Variants in IL1RAPL1 observed in about 807,000 individuals in gnomAD.
IL1RAPL1 encodes the protein interleukin 1 receptor accessory protein like 1, also known as interleukin-1 receptor accessory protein-like 1.
A neutral mutation model predicts 48.4 loss-of-function variants in IL1RAPL1; 3 were observed. The ratio of observed to expected loss-of-function variants is 0.06; its 90% CI spans 0.03 to 0.16. IL1RAPL1 has a LOEUF of 0.16. Among genes scored for constraint, IL1RAPL1 ranks in the 10% least tolerant of loss-of-function variants. The pLI is 1.00. For synonymous variants in IL1RAPL1, 185 were observed against 187.7 expected (o/e 0.99, Z 0.12); for missense variants, 349 against 530.6 (o/e 0.66, Z 3.36).
At chrX:29,349,661 G>A (rs899974972) in intron 3 of IL1RAPL1, among the ~76,000 whole-genome samples, 3 of 111,177 alleles carry the variant, frequency 2.7e-5, no homozygotes, top group Non-Finnish European at 5.7e-5. Context: ...ATTCTGAGTT[G>A]TCTAAAGTTC....
intron 2 of IL1RAPL1, among the ~76,000 whole-genome samples, chrX:29,221,585 G>A (rs761860969): frequency 6.7e-5 from 7 of 104,062 alleles, no homozygotes; most frequent in Non-Finnish European, 9.8e-5. Flanking sequence ...ATATGTTACC[G>A]TCATTATGCC....
chrX:29,945,743 C>A, intron 9 of IL1RAPL1, among the ~76,000 whole-genome samples: 1 of 111,962 alleles, frequency 8.9e-6, no homozygotes, highest in Middle Eastern at 4.6e-3. Context: ...CACTCAGTTC[C>A]TTTGGAGTCA....
chrX:29,793,616 T>G (rs1210138095), intron 6 of IL1RAPL1, among the ~76,000 whole-genome samples: 1 of 112,221 alleles, frequency 8.9e-6, no homozygotes. Flanking sequence ...ATTATTACAC[T>G]TACTACATTT....
At chrX:29,796,449 A>C (rs1399518557) in intron 6 of IL1RAPL1, among the ~76,000 whole-genome samples, 4 of 111,649 alleles carry the variant, frequency 3.6e-5, no homozygotes, top group African/African-American at 1.3e-4. Context: ...CATCTCAATT[A>C]ATGTTTGCAA....
chrX:28,796,396 G>T (rs1038682949), intron 2 of IL1RAPL1, among the ~76,000 whole-genome samples: 1 of 111,512 alleles, frequency 9.0e-6, no homozygotes, highest in Non-Finnish European at 1.9e-5. Flanking sequence ...AAGTCCCTTC[G>T]GCCTATGAGC....
At chrX:29,638,971 G>T (rs1278661582) in intron 5 of IL1RAPL1, among the ~76,000 whole-genome samples, 1 of 111,420 alleles carries the variant, frequency 9.0e-6, no homozygotes, top group African/African-American at 3.3e-5. Flanking sequence ...TAGATCACAA[G>T]GTCAGGAGAT....
chrX:29,487,064 A>G (rs1301924138), intron 5 of IL1RAPL1, among the ~76,000 whole-genome samples: 2 of 110,700 alleles, frequency 1.8e-5, no homozygotes, highest in African/African-American at 3.3e-5. Flanking sequence ...GCTAAAACAT[A>G]CACAATAATT....
At chrX:28,825,602 T>C (rs770562421) in intron 2 of IL1RAPL1, among the ~76,000 whole-genome samples, 34 of 111,517 alleles carry the variant, frequency 3.0e-4, no homozygotes, top group African/African-American at 1.0e-3. Flanking sequence ...CTCAAGAGGA[T>C]AAATTATTAT....
At chrX:29,567,790 T>C (rs1922458211) in intron 5 of IL1RAPL1, among the ~76,000 whole-genome samples, 1 of 111,204 alleles carries the variant, frequency 9.0e-6, no homozygotes, top group Admixed American at 9.5e-5. Context: ...GGAATACAAA[T>C]GCTTCATTTG....
chrX:29,470,093 C>T (rs922321193), intron 5 of IL1RAPL1, among the ~76,000 whole-genome samples: 2 of 112,321 alleles, frequency 1.8e-5, no homozygotes, highest in African/African-American at 6.5e-5. Context: ...TGAAGAAGTA[C>T]AATTTCCCAA....
At chrX:29,903,662 T>C (rs1932547024) in intron 6 of IL1RAPL1, among the ~76,000 whole-genome samples, 1 of 112,074 alleles carries the variant, frequency 8.9e-6, no homozygotes, top group Non-Finnish European at 1.9e-5. Context: ...TGGAATCTAC[T>C]GGTTGAAGGG....
chrX:28,976,919 C>T (rs769770169), intron 2 of IL1RAPL1, among the ~76,000 whole-genome samples: 78 of 112,300 alleles, frequency 6.9e-4, no homozygotes, highest in African/African-American at 2.3e-3. Flanking sequence ...TGGAAGAATA[C>T]AACTCTGCTC....
intron 6 of IL1RAPL1, among the ~76,000 whole-genome samples, chrX:29,790,906 G>A (rs1929613204): frequency 8.9e-6 from 1 of 111,817 alleles, no homozygotes; most frequent in Non-Finnish European, 1.9e-5. Context: ...GCCGCCTAAG[G>A]CCAGTATATA....
At chrX:29,004,965 G>A (rs1312321584) in intron 2 of IL1RAPL1, among the ~76,000 whole-genome samples, 1 of 112,380 alleles carries the variant, frequency 8.9e-6, no homozygotes, top group African/African-American at 3.2e-5. Context: ...GCCAAATCAT[G>A]TTGTTTAATG....
At chrX:29,739,781 C>T (rs933367189) in intron 6 of IL1RAPL1, among the ~76,000 whole-genome samples, 4 of 110,460 alleles carry the variant, frequency 3.6e-5, no homozygotes, top group Non-Finnish European at 3.8e-5. Context: ...CATGGGTCCA[C>T]CGCGTGGTGG....
chrX:29,675,987 A>G lies in IL1RAPL1; in HGVS notation c.778+7483A>G, dbSNP rs746925204. 1.2e-4 allele frequency among the ~76,000 whole-genome samples: 13 copies of G among 112,308 alleles called. No homozygotes were observed. In the South Asian group the frequency reaches 4.8e-3, roughly 42 times the overall value. ...AAAGCTTGTTATTGCCATTATCATCATCCTCATGATCATCATATTATCACT... is the reference window on the plus strand; with the variant it reads ...AAAGCTTGTTATTGCCATTATCATCGTCCTCATGATCATCATATTATCACT... On this transcript the variant is annotated intron_variant, in intron 6 of 10. Coordinates refer to ENST00000378993, the MANE Select transcript of IL1RAPL1 (RefSeq NM_014271.4).
intron 5 of IL1RAPL1, among the ~76,000 whole-genome samples, chrX:29,456,479 G>C (rs1013952893): frequency 9.0e-6 from 1 of 111,693 alleles, no homozygotes; most frequent in Admixed American, 9.6e-5. Context: ...TGTTCCAGTA[G>C]GCATTTGCCA....
At chrX:28,818,512 T>TTA (rs1936894769) in intron 2 of IL1RAPL1, among the ~76,000 whole-genome samples, 3 of 110,411 alleles carry the variant, frequency 2.7e-5, no homozygotes, top group South Asian at 3.8e-4. Flanking sequence ...TTGATTTAAT[T>TTA]TATATATATA....
At chrX:29,766,771 A>G (rs1273619159) in intron 6 of IL1RAPL1, among the ~76,000 whole-genome samples, 1 of 101,520 alleles carries the variant, frequency 9.9e-6, no homozygotes, top group Non-Finnish European at 1.9e-5. Context: ...ATAATGTATT[A>G]TAATTATATA....
Sources: gnomAD v4.1 joint callset for allele counts (sites outside exome capture counted in the v4.1 genomes callset) on GRCh38, gnomAD v4.1.1 for gene constraint, MANE v1.5 for transcripts, NCBI Gene and HGNC (gene_info 2026-07-23, HGNC 2026-07-21) for gene names.